The following PIWIL3 variants were observed in gnomAD, a reference collection of about 807,000 sequenced individuals.
The protein encoded by PIWIL3 is piwi-like protein 3.
Under a neutral mutation model 109.7 loss-of-function variants are expected in PIWIL3, and 101 were observed. The ratio of observed to expected loss-of-function variants is 0.92; its 90% CI spans 0.78 to 1.09. The LOEUF (loss-of-function observed/expected upper bound fraction) is 1.09. Among genes scored for constraint, PIWIL3 ranks in the 50% least tolerant of loss-of-function variants. The pLI, the probability that PIWIL3 is intolerant of heterozygous loss-of-function variation, is 0.00. For synonymous variants in PIWIL3, 373 were observed against 376.4 expected, an observed-to-expected ratio of 0.99 and a Z score of 0.10; for missense variants, 1,031 against 1,072.6, an observed-to-expected ratio of 0.96 and a Z score of 0.54.
At chr22:24,739,075 A>G (rs149784302) in intron 12 of PIWIL3, among the ~76,000 whole-genome samples, 127 of 152,242 alleles carry the variant, frequency 8.3e-4, no homozygotes, top group African/African-American at 2.7e-3. Flanking sequence ...TGCAATTGAC[A>G]TATTGAATAC....
chr22:24,772,728 G>C (rs76457432), intron 1 of PIWIL3, among the ~76,000 whole-genome samples: 1 of 150,792 alleles, frequency 6.6e-6, no homozygotes. Context: ...GCTTAGGTGG[G>C]TGCACAGCAG....
At chr22:24,752,698 C>T (rs906299653) in intron 8 of PIWIL3, among the ~76,000 whole-genome samples, 3 of 152,128 alleles carry the variant, frequency 2.0e-5, no homozygotes, top group Non-Finnish European at 1.5e-5. Flanking sequence ...TTTCCTCAAA[C>T]GAGGCCACTT....
intron 12 of PIWIL3, among the ~76,000 whole-genome samples, chr22:24,741,544 C>G (rs1016288093): frequency 2.4e-4 from 36 of 152,022 alleles, no homozygotes; most frequent in Non-Finnish European, 8.8e-5. Context: ...CAACCACCCA[C>G]AAAAAACAAA....
rs571086629 is a variant in PIWIL3, at chr22:24,744,194, A to C, written c.1449+4713T>G. On this transcript the variant is annotated intron_variant, in intron 12 of 20. Transcript: ENST00000616349. ...TGACCGAATTAAAAAAAAAAAAAAA[A>C]AAAAAAAAAAAAACAATGATCTGCT... 4.7e-4 allele frequency among the ~76,000 whole-genome samples: 69 copies of C among 147,470 alleles called. 1 individual carries two copies. Among genetic ancestry groups the C allele is most frequent in the Middle Eastern group, 6.8e-3 (2 of 292 alleles).
chr22:24,724,570 G>T (rs1011951187), intron 18 of PIWIL3, among the ~76,000 whole-genome samples: 9 of 152,084 alleles, frequency 5.9e-5, no homozygotes, highest in African/African-American at 2.2e-4. Flanking sequence ...GAGTAGCTGG[G>T]ATTACAGGCA....
intron 12 of PIWIL3, among the ~76,000 whole-genome samples, chr22:24,742,396 C>CA (rs1601835317): frequency 6.7e-6 from 1 of 149,676 alleles, no homozygotes; most frequent in Admixed American, 6.7e-5. Context: ...AAAAAAAAAT[C>CA]AAAAAAATCC....
Position 24,735,873 on chromosome 22 carries a change from C to T in PIWIL3, c.1469G>A (p.Gly490Glu), listed in dbSNP as rs1923627019. The change falls in exon 13 of 21, where the codon GGA (glycine) becomes GAA (glutamate). Residue 490 changes from glycine (G) to glutamate (E), a missense_variant. Coordinates refer to ENST00000616349, the MANE Select transcript of PIWIL3 (RefSeq NM_001255975.1). ...TTCTCTTATTTCTCTTGACCAGTCT[C>T]CTTGTGAATTGGCTTTAACCTGGAA... ...GRRMVKANSQ[G>E]DWSREIRELP... The T allele has an allele frequency of 6.2e-7, 1 of 1,601,400 alleles. No individual in the cohort carries two copies. Among genetic ancestry groups the T allele is most frequent in the Non-Finnish European group, 8.5e-7 (1 of 1,176,392 alleles).
At chr22:24,768,823 CAAG>C (rs144367975) in intron 1 of PIWIL3, among the ~76,000 whole-genome samples, 139 of 152,288 alleles carry the variant, frequency 9.1e-4, no homozygotes, top group African/African-American at 3.0e-3. Flanking sequence ...ACTTTATTCT[CAAG>C]GAGATGAGCA....
intron 14 of PIWIL3, among the ~76,000 whole-genome samples, chr22:24,728,612 A>C (rs1923138000): frequency 6.6e-6 from 1 of 152,222 alleles, no homozygotes; most frequent in Non-Finnish European, 1.5e-5. Flanking sequence ...CTTAATTGGA[A>C]GGGTGAATGT....
intron 18 of PIWIL3, among the ~76,000 whole-genome samples, chr22:24,724,459 C>T (rs1242687480): frequency 1.4e-5 from 2 of 148,032 alleles, no homozygotes; most frequent in Non-Finnish European, 3.0e-5. Flanking sequence ...TTTGAGACGG[C>T]GTTTCACTCT....
In PIWIL3 at chr22:24,754,174, G is replaced by A; in HGVS notation, c.817C>T (p.Gln273Ter). 1 of 1,613,998 alleles carries A rather than the reference G, an allele frequency of 6.2e-7. No homozygotes were observed. Among genetic ancestry groups the A allele is most frequent in the Non-Finnish European group, 8.5e-7 (1 of 1,179,936 alleles). Residue 273 changes from glutamine (Q) to a stop codon, truncating the protein, a stop_gained, in exon 8 of 21, where the codon CAA (glutamine) becomes TAA (stop). Transcript: ENST00000616349. LOFTEE classifies it high-confidence loss of function. ...CAGAGGGTAATGCTGTTTTCGTATT[G>A]AAGAACAGAAGTAACATAACCAAGC... ...IWLGYVTSVL[Q>*]YENSITLCAD...
intron 11 of PIWIL3, 89 bp from the exon 12 acceptor site, chr22:24,749,110 G>T: frequency 9.5e-7 from 1 of 1,054,692 alleles, no homozygotes; most frequent in Non-Finnish European, 1.4e-6. Flanking sequence ...CTATTCCAAG[G>T]TTCACCATCA....
intron 14 of PIWIL3, among the ~76,000 whole-genome samples, chr22:24,730,389 A>G (rs1325274811): frequency 1.4e-5 from 2 of 146,684 alleles, no homozygotes; most frequent in Admixed American, 1.4e-4. Flanking sequence ...AAAAAGCATT[A>G]CTTCAATATT....
At chr22:24,766,245 C>T (rs904299096) in intron 1 of PIWIL3, among the ~76,000 whole-genome samples, 1 of 152,022 alleles carries the variant, frequency 6.6e-6, no homozygotes, top group Non-Finnish European at 1.5e-5. Context: ...TCTCAGCCTC[C>T]CGAATTTCTG....
intron 19 of PIWIL3, among the ~76,000 whole-genome samples, chr22:24,720,636 T>C (rs1422006847): frequency 6.6e-6 from 1 of 152,220 alleles, no homozygotes; most frequent in Non-Finnish European, 1.5e-5. Context: ...AATTTATTTT[T>C]ATGTGTACAA....
At chr22:24,745,766 T>C (rs73391118) in intron 12 of PIWIL3, among the ~76,000 whole-genome samples, 1,525 of 106,000 alleles carry the variant, frequency 0.014, 20 homozygotes, top group African/African-American at 0.048. Context: ...AAACCAGAGA[T>C]GAAAATGGAG....
intron 18 of PIWIL3, among the ~76,000 whole-genome samples, chr22:24,723,678 A>G (rs1189943066): frequency 6.6e-6 from 1 of 151,980 alleles, no homozygotes; most frequent in African/African-American, 2.4e-5. Flanking sequence ...ATGTTCATGG[A>G]TTTCTTCTTT....
intron 1 of PIWIL3, among the ~76,000 whole-genome samples, chr22:24,769,026 G>A (rs1254139094): frequency 6.6e-6 from 1 of 152,120 alleles, no homozygotes; most frequent in African/African-American, 2.4e-5. Flanking sequence ...TAATAAAAAC[G>A]AGGCCAACTA....
chr22:24,725,135 C>A (rs2147648723), intron 17 of PIWIL3, 98 bp from the exon 18 acceptor site: 1 of 1,412,376 alleles, frequency 7.1e-7, no homozygotes, highest in Non-Finnish European at 9.7e-7. Context: ...AACACTGCAG[C>A]TTTCAGGGCA....
Sources: gnomAD v4.1 joint callset for allele counts (sites outside exome capture counted in the v4.1 genomes callset) on GRCh38, gnomAD v4.1.1 for gene constraint, MANE v1.5 for transcripts, NCBI Gene and HGNC (gene_info 2026-07-23, HGNC 2026-07-21) for gene names.